Variants in SYT14 observed in about 807,000 individuals in gnomAD.
The protein encoded by SYT14 is synaptotagmin 14, also known as synaptotagmin-14.
In SYT14, 32 loss-of-function variants were observed where a neutral mutation model predicts 74.2. That is an observed-to-expected ratio of 0.43 (90% CI 0.33 to 0.58). SYT14 has a LOEUF of 0.58. Ranked by LOEUF, SYT14 falls within the 20% of genes least tolerant of loss-of-function variation. The probability of loss-of-function intolerance (pLI) is 0.05; values close to 1 mark genes in which losing one functional copy is unlikely to be tolerated. For missense variants in SYT14, 791 were observed against 981.8 expected, an observed-to-expected ratio of 0.81 and a Z score of 2.60; for synonymous variants, 298 against 337.7, an observed-to-expected ratio of 0.88 and a Z score of 1.29.
intron 7 of SYT14, among the ~76,000 whole-genome samples, chr1:210,129,587 T>G (rs1210813867): frequency 2.0e-5 from 3 of 152,200 alleles, no homozygotes; most frequent in Admixed American, 1.3e-4. Context: ...TACTGTAATA[T>G]TTATTTAAAC....
chr1:209,984,860 G>C (rs1343882794), intron 2 of SYT14, among the ~76,000 whole-genome samples: 1 of 152,184 alleles, frequency 6.6e-6, no homozygotes, highest in Non-Finnish European at 1.5e-5. Flanking sequence ...GCAGGAGCAA[G>C]AGAGAGTCAG....
chr1:210,109,261 C>G (rs1401045267), intron 7 of SYT14, among the ~76,000 whole-genome samples: 1 of 152,010 alleles, frequency 6.6e-6, no homozygotes, highest in African/African-American at 2.4e-5. Context: ...CCATCTCACT[C>G]CAGTTAGAAT....
At chr1:209,985,130 A>G (rs942110685) in intron 2 of SYT14, among the ~76,000 whole-genome samples, 100 of 152,140 alleles carry the variant, frequency 6.6e-4, no homozygotes, top group African/African-American at 2.3e-3. Context: ...TAGTCCCCCA[A>G]AGTTTTAACT....
At chr1:210,006,955 C>A (rs956727595) in intron 2 of SYT14, among the ~76,000 whole-genome samples, 1 of 151,556 alleles carries the variant, frequency 6.6e-6, no homozygotes, top group Non-Finnish European at 1.5e-5. Flanking sequence ...TCTTTTGTGA[C>A]AAAATATAAT....
intron 7 of SYT14, among the ~76,000 whole-genome samples, chr1:210,124,203 A>G (rs981964396): frequency 1.3e-4 from 20 of 152,082 alleles, no homozygotes; most frequent in Admixed American, 1.0e-3. Flanking sequence ...CTGGCCCTTT[A>G]CAGAAAAAGT....
chr1:210,111,235 G>A (rs2082256560), intron 7 of SYT14, among the ~76,000 whole-genome samples: 1 of 152,074 alleles, frequency 6.6e-6, no homozygotes, highest in African/African-American at 2.4e-5. Context: ...GATTTGGGTG[G>A]GTAGTGGAAA....
intron 5 of SYT14, among the ~76,000 whole-genome samples, chr1:210,025,046 G>A (rs773244921): frequency 3.9e-5 from 6 of 152,116 alleles, no homozygotes; most frequent in Non-Finnish European, 7.4e-5. Context: ...CACTTTCTTA[G>A]CATCTATTCT....
chr1:210,048,839 G>A (rs1182812282), intron 5 of SYT14, among the ~76,000 whole-genome samples: 2 of 152,194 alleles, frequency 1.3e-5, no homozygotes, highest in Non-Finnish European at 1.5e-5. Flanking sequence ...AAGCAAGTTA[G>A]TTACTTCCTA....
intron 2 of SYT14, among the ~76,000 whole-genome samples, chr1:209,968,972 C>G (rs56105015): frequency 0.13 from 19,902 of 151,954 alleles, 4,112 homozygotes; most frequent in African/African-American, 0.44. Context: ...TGTTTAGCTC[C>G]CACTTATAAG....
intron 2 of SYT14, among the ~76,000 whole-genome samples, chr1:209,995,603 G>A (rs1015442662): frequency 1.3e-5 from 2 of 152,214 alleles, no homozygotes; most frequent in Admixed American, 6.5e-5. Flanking sequence ...ATGAAACTCC[G>A]GACTTAAACT....
rs112168803 is a variant in SYT14, at chr1:209,946,744, G to T, written c.-533-5965G>T. Among the ~76,000 whole-genome samples the T allele has an allele frequency of 1.1e-3, 167 of 152,344 alleles. 1 individual carries two copies. The highest frequency in any genetic ancestry group is 3.7e-3 in the African/African-American group (155 of 41,580). ...ATGAAGGTGGCTACACTAAACAACA[G>T]ATTTTTGTTGTAGGTGAAACAGCCT... On this transcript the variant is annotated intron_variant, in intron 1 of 9. Coordinates refer to ENST00000637265, the Ensembl canonical transcript of SYT14.
intron 7 of SYT14, among the ~76,000 whole-genome samples, chr1:210,102,903 C>A (rs916465317): frequency 6.6e-6 from 1 of 151,926 alleles, no homozygotes; most frequent in Admixed American, 6.6e-5. Context: ...GTCTTGAACT[C>A]CTGGCCTGAA....
intron 5 of SYT14, among the ~76,000 whole-genome samples, chr1:210,077,305 C>G (rs778828920): frequency 5.9e-5 from 9 of 152,096 alleles, no homozygotes; most frequent in Non-Finnish European, 1.3e-4. Context: ...CTCACTGTGA[C>G]AAAGACAGCC....
At position 210,049,793 on chromosome 1, in the gene SYT14, G is replaced by A. The variant is rs1308619755; in HGVS notation, c.1312+28539G>A. 3.3e-5 allele frequency among the ~76,000 whole-genome samples: 5 copies of A among 152,284 alleles called. No individual in the cohort carries two copies. In the East Asian group the frequency reaches 5.8e-4, roughly 18 times the overall value. ...TGTGGCTTGCACCCTCTGAAGCCAC[G>A]GCCCGAGCTCTGTGGTGGCCCCTTT... On this transcript the variant is annotated intron_variant, in intron 5 of 9. Coordinates refer to ENST00000637265, the Ensembl canonical transcript of SYT14.
chr1:210,123,888 T>C (rs778940398), intron 7 of SYT14, among the ~76,000 whole-genome samples: 1 of 152,112 alleles, frequency 6.6e-6, no homozygotes, highest in Admixed American at 6.5e-5. Context: ...AATTAGTGTT[T>C]TCAGAAAGAT....
chr1:210,086,977 C>T (rs1299908216), intron 5 of SYT14, among the ~76,000 whole-genome samples: 1 of 152,178 alleles, frequency 6.6e-6, no homozygotes, highest in Non-Finnish European at 1.5e-5. Context: ...CTCCCATCTC[C>T]CTGCACACAT....
intron 7 of SYT14, among the ~76,000 whole-genome samples, chr1:210,139,824 T>G (rs1183856496): frequency 6.6e-6 from 1 of 152,230 alleles, no homozygotes. Context: ...CATTGTTTTT[T>G]GGGGACTTAA....
At chr1:210,015,337 C>T (rs867306871) in intron 3 of SYT14, among the ~76,000 whole-genome samples, 24 of 152,170 alleles carry the variant, frequency 1.6e-4, no homozygotes, top group Middle Eastern at 3.4e-3. Context: ...CTTGAGGATC[C>T]CTTGAAAATG....
intron 5 of SYT14, among the ~76,000 whole-genome samples, chr1:210,089,007 C>A (rs1290597687): frequency 3.3e-5 from 5 of 152,068 alleles, no homozygotes; most frequent in Non-Finnish European, 4.4e-5. Flanking sequence ...TTAGGTATTT[C>A]TTCTAATGCT....
Sources: allele counts gnomAD v4.1 joint callset (sites outside exome capture counted in the v4.1 genomes callset), GRCh38; gene constraint gnomAD v4.1.1; transcripts MANE v1.5; gene names NCBI Gene and HGNC (gene_info 2026-07-23, HGNC 2026-07-21).